BLTP1: variants seen among roughly 807,000 people sequenced by gnomAD.
BLTP1 encodes bridge-like lipid transfer protein family member 1.
At chr4:122,320,511 C>T in the BLTP1 span, among the ~76,000 whole-genome samples, 2 of 152,102 alleles carry the variant, frequency 1.3e-5, no homozygotes. Flanking sequence ...GACTAGACCC[C>T]TTTATCATTT....
chr4:122,341,365 TG>T, the BLTP1 span, among the ~76,000 whole-genome samples: 1 of 152,190 alleles, frequency 6.6e-6, no homozygotes, highest in Non-Finnish European at 1.5e-5. Context: ...GGATTAAATT[TG>T]GATTTTATTA....
the BLTP1 span, chr4:122,273,103 T>G: frequency 3.8e-6 from 2 of 530,314 alleles, no homozygotes; most frequent in African/African-American, 2.1e-5. Flanking sequence ...ACCAGTGTGG[T>G]TTTTTTTCTG....
At chr4:122,280,070 G>A in the BLTP1 span, 1 of 1,590,532 alleles carries the variant, frequency 6.3e-7, no homozygotes, top group Non-Finnish European at 8.5e-7. Flanking sequence ...GGAGGGAGAT[G>A]AAGGGTTACT....
At chr4:122,353,416 T>C in the BLTP1 span, among the ~76,000 whole-genome samples, 1 of 152,210 alleles carries the variant, frequency 6.6e-6, no homozygotes, top group African/African-American at 2.4e-5. This position sits in a 1 kb window ranked among gnomAD's most constrained non-coding sequence, Gnocchi z 4.3. Flanking sequence ...TACTGTAATC[T>C]TTCTTATAAA....
the BLTP1 span, chr4:122,225,493 A>C: frequency 6.6e-6 from 1 of 152,180 alleles, no homozygotes; most frequent in Non-Finnish European, 1.5e-5. Flanking sequence ...AAAAAGTTTT[A>C]GAATGGGTAT....
the BLTP1 span, chr4:122,187,299 T>G: frequency 7.0e-7 from 1 of 1,437,524 alleles, no homozygotes; most frequent in South Asian, 1.7e-5. Flanking sequence ...TTGTTCTGTT[T>G]ACTGAAGTAG....
the BLTP1 span, among the ~76,000 whole-genome samples, chr4:122,227,935 A>G: frequency 2.9e-5 from 4 of 139,446 alleles, no homozygotes; most frequent in East Asian, 8.4e-4. Context: ...TTTTTTTGAG[A>G]CAGAGTCTTG....
the BLTP1 span, chr4:122,261,849 C>T: frequency 2.0e-6 from 2 of 985,322 alleles, no homozygotes; most frequent in East Asian, 1.1e-4. Flanking sequence ...TGTGTCAACA[C>T]CCTTCCTCCA....
At chr4:122,337,879 A>G in the BLTP1 span, among the ~76,000 whole-genome samples, 2 of 148,480 alleles carry the variant, frequency 1.3e-5, no homozygotes, top group African/African-American at 4.9e-5. Flanking sequence ...AATAAAATAT[A>G]TATTAGCATA....
chr4:122,271,902 T>C, the BLTP1 span, among the ~76,000 whole-genome samples: 1 of 152,118 alleles, frequency 6.6e-6, no homozygotes, highest in Non-Finnish European at 1.5e-5. Context: ...GCCACCACAT[T>C]TCCCAACCTT....
chr4:122,333,740 A>G, the BLTP1 span: 1 of 1,612,262 alleles, frequency 6.2e-7, no homozygotes, highest in African/African-American at 1.3e-5. Flanking sequence ...AGAAAGTGCC[A>G]TCATCTCTAC....
At chr4:122,255,394 G>A in the BLTP1 span, 2 of 779,208 alleles carry the variant, frequency 2.6e-6, no homozygotes, top group Non-Finnish European at 4.2e-6. Context: ...CAAGTCTATA[G>A]GCCTGTAATC....
chr4:122,315,034 A>G, the BLTP1 span, among the ~76,000 whole-genome samples: 1 of 152,100 alleles, frequency 6.6e-6, no homozygotes, highest in Non-Finnish European at 1.5e-5. Flanking sequence ...TTTCTTATAC[A>G]TGGCAAGAAA....
the BLTP1 span, chr4:122,220,420 C>G: frequency 1.9e-6 from 3 of 1,612,090 alleles, no homozygotes; most frequent in Non-Finnish European, 2.5e-6. Flanking sequence ...GGAGACCATG[C>G]TGCAACTTAT....
chr4:122,189,539 A>C, the BLTP1 span: 2 of 791,026 alleles, frequency 2.5e-6, no homozygotes, highest in Non-Finnish European at 3.1e-6. Context: ...TTTAATATAC[A>C]GATAGATAAA....
chr4:122,318,172 A>G, the BLTP1 span: 2 of 1,608,340 alleles, frequency 1.2e-6, no homozygotes, highest in Non-Finnish European at 8.5e-7. Context: ...TGAAGGAACC[A>G]TAAACCAGGA....
the BLTP1 span, chr4:122,333,573 A>T: frequency 6.6e-7 from 1 of 1,507,372 alleles, no homozygotes; most frequent in Non-Finnish European, 8.8e-7. Context: ...TTGCTTTTAA[A>T]CAAAAAGATA....
the BLTP1 span, among the ~76,000 whole-genome samples, chr4:122,293,704 G>A: frequency 3.9e-5 from 6 of 152,254 alleles, no homozygotes; most frequent in South Asian, 1.2e-3. Flanking sequence ...GAAGGAGGCT[G>A]AATCCAGGGA....
At chr4:122,223,969 T>A in the BLTP1 span, 1 of 971,746 alleles carries the variant, frequency 1.0e-6, no homozygotes, top group Non-Finnish European at 1.2e-6. Flanking sequence ...CCCTTTGAAA[T>A]ACGTGCTGCT....
Sources: gnomAD v4.1 joint callset for allele counts (sites outside exome capture counted in the v4.1 genomes callset) on GRCh38, gnomAD v4.1.1 for gene constraint, Gnocchi (gnomAD v3.1) non-coding constraint, MANE v1.5 for transcripts, NCBI Gene and HGNC (gene_info 2026-07-23, HGNC 2026-07-21) for gene names.